Variants in SMURF1 observed in about 807,000 individuals in gnomAD.
SMURF1 encodes SMAD specific E3 ubiquitin protein ligase 1, also known as E3 ubiquitin-protein ligase SMURF1.
SMURF1 carries 44 observed loss-of-function variants against 98.0 expected under a neutral mutation model. That is an observed-to-expected ratio of 0.45 (90% CI 0.35 to 0.58). SMURF1 has a LOEUF of 0.58. SMURF1 is among the 20% of genes least tolerant of loss of function. The pLI is 0.00. For synonymous variants in SMURF1, 396 were observed against 374.9 expected, an observed-to-expected ratio of 1.06 and a Z score of -0.65; for missense variants, 687 against 938.4, an observed-to-expected ratio of 0.73 and a Z score of 3.50.
intron 6 of SMURF1, 128 bp downstream of exon 6, chr7:99,054,662 A>G (rs1200356640): frequency 1.3e-6 from 1 of 769,942 alleles, no homozygotes; most frequent in African/African-American, 1.7e-5. Context: ...TCACAGTTTT[A>G]TCCCAACATC....
At chr7:99,113,837 T>TAAAAAAAAAAAAAAAAA (rs71118659) in intron 1 of SMURF1, among the ~76,000 whole-genome samples, 1 of 33,950 alleles carries the variant, frequency 2.9e-5, no homozygotes, top group African/African-American at 1.5e-4. Context: ...AGACTCCGTC[T>TAAAAAAAAAAAAAAAAA]AAAAAAAAAA....
rs999203697 is a variant in SMURF1, at chr7:99,029,204, G to C, written c.*1380C>G. The C allele has an allele frequency of 6.6e-6, 1 of 152,668 alleles. No homozygotes were observed. Among genetic ancestry groups the C allele is most frequent in the African/African-American group, 2.4e-5 (1 of 41,438 alleles). The allele number at this position is 152,668 out of a possible 1,614,324, so 9.5% of individuals were successfully genotyped here. Reference sequence around the variant, plus strand: ...GACTTCGACAGCAGTGAAATGTCTTGCTCATGAATTACCCTGTACTTGCCC... The same window carrying C: ...GACTTCGACAGCAGTGAAATGTCTTCCTCATGAATTACCCTGTACTTGCCC... On this transcript the variant is annotated 3_prime_UTR_variant, in exon 18 of 18. Transcript: ENST00000361368.
Position 99,143,683 on chromosome 7 carries a change from C to A in SMURF1, c.55+43G>T, listed in dbSNP as rs774017772. ...GCCCTGCGGGGAATTCCGGGGCGGG[C>A]GAGGGGGCGCCGGGGCGCGGGTGGG... On this transcript the variant is annotated intron_variant, in intron 1 of 17. Coordinates refer to ENST00000361368, the MANE Select transcript of SMURF1 (RefSeq NM_181349.3). 19 of 1,503,036 alleles carry A rather than the reference C, an allele frequency of 1.3e-5. No individual in the cohort carries two copies. In the South Asian group the frequency reaches 2.2e-4, roughly 17 times the overall value. 93.1% of individuals were successfully genotyped at this position (1,503,036 alleles called of 1,614,324 possible).
In SMURF1 at chr7:99,126,044, A is replaced by C. The variant is rs542456858; in HGVS notation, c.55+17682T>G. ...GAGCCAGTTCACATTTGGCCTCCCC[A>C]GCAACTAGACTCAGGGGCGCTTTGT... On this transcript the variant is annotated intron_variant, in intron 1 of 17. Transcript: ENST00000361368. Among the ~76,000 whole-genome samples, 53 of 152,230 alleles carry C rather than the reference A, an allele frequency of 3.5e-4. 1 individual carries two copies. The highest frequency in any genetic ancestry group is 1.3e-3 in the African/African-American group (53 of 41,554).
chr7:99,052,280 C>G lies in SMURF1; in HGVS notation c.646G>C (p.Asp216His). 1.2e-6 allele frequency: 2 copies of G among 1,611,872 alleles called. No individual in the cohort carries two copies. Among genetic ancestry groups the G allele is most frequent in the Non-Finnish European group, 1.7e-6 (2 of 1,178,964 alleles). Reference sequence around the variant, plus strand: ...GGCGTCTGTAGTGAACCTCGCACATCAGGGTTTCGAAGCCGCTGTGCCTGA... The same window carrying G: ...GGCGTCTGTAGTGAACCTCGCACATGAGGGTTTCGAAGCCGCTGTGCCTGA... ...RLQAQRLRNP[D>H]VRGSLQTPQN... Residue 216 changes from aspartate to histidine, a missense_variant, in exon 7 of 18, where the codon GAT becomes CAT. By Grantham distance (81) the Asp-to-His change is moderately conservative. This residue lies in a region of SMURF1 where 415 missense variants were observed against 508.4 expected (regional missense o/e 0.82). Transcript: ENST00000361368.
chr7:99,110,434 AC>A (rs899268483), intron 1 of SMURF1, among the ~76,000 whole-genome samples: 1 of 152,210 alleles, frequency 6.6e-6, no homozygotes, highest in Non-Finnish European at 1.5e-5. Context: ...GAATCAGGGA[AC>A]TAGATATCAA....
chr7:99,038,347 C>G (rs745327598), intron 14 of SMURF1, 41 bp downstream of exon 14: 2 of 1,606,468 alleles, frequency 1.2e-6, no homozygotes, highest in Non-Finnish European at 1.7e-6. Context: ...CAGGCTCAGC[C>G]GCGCCCCAGG....
chr7:99,107,837 C>A (rs2395015), intron 1 of SMURF1, among the ~76,000 whole-genome samples: 113,707 of 152,114 alleles, frequency 0.75, 45,773 homozygotes, highest in South Asian at 0.93. Context: ...AGTAACACCA[C>A]CAGCATATGG....
At chr7:99,133,656 G>T (rs1283719494) in intron 1 of SMURF1, among the ~76,000 whole-genome samples, 1 of 152,124 alleles carries the variant, frequency 6.6e-6, no homozygotes, top group Admixed American at 6.6e-5. Flanking sequence ...CTCTACTCCT[G>T]AGTATACACC....
intron 1 of SMURF1, among the ~76,000 whole-genome samples, chr7:99,102,514 C>A (rs1266957326): frequency 6.6e-6 from 1 of 152,186 alleles, no homozygotes; most frequent in East Asian, 1.9e-4. Context: ...GCTGCCTTGT[C>A]AACACTTTGA....
chr7:99,057,439 T>C lies in SMURF1; in HGVS notation c.316A>G (p.Ser106Gly), dbSNP rs1795903952. 1.2e-6 allele frequency: 2 copies of C among 1,609,610 alleles called. No homozygotes were observed. Residue 106 changes from serine (S) to glycine (G), a missense_variant, in exon 4 of 18, where the codon AGC (serine) becomes GGC (glycine). Physicochemically the swap from Ser to Gly is moderately conservative, Grantham distance 56 (BLOSUM62 0). Transcript: ENST00000361368. ...GCVRLLSNAISRLKDTGYQRL... is the reference protein window; with the variant it reads ...GCVRLLSNAIGRLKDTGYQRL... Reference sequence around the variant, plus strand: ...TTACATCCGGTATCTTTTAATCTGCTGATGGCATTGGAGAGCAGCCGCACA... The same window carrying C: ...TTACATCCGGTATCTTTTAATCTGCCGATGGCATTGGAGAGCAGCCGCACA...
chr7:99,084,546 G>A (rs1796637607), intron 1 of SMURF1, among the ~76,000 whole-genome samples: 1 of 152,114 alleles, frequency 6.6e-6, no homozygotes, highest in Non-Finnish European at 1.5e-5. Context: ...TAGATATCAA[G>A]AACTAGCTCA....
chr7:99,034,888 T>C (rs1795073726), intron 16 of SMURF1, among the ~76,000 whole-genome samples: 1 of 152,202 alleles, frequency 6.6e-6, no homozygotes, highest in African/African-American at 2.4e-5. Flanking sequence ...TGTGTGTCTA[T>C]CAGCATTTAC....
chr7:99,063,259 A>ATAAGATT (rs1796094108), intron 1 of SMURF1, among the ~76,000 whole-genome samples: 2 of 6,310 alleles, frequency 3.2e-4, no homozygotes, highest in Admixed American at 2.2e-3. Context: ...ATATATATAT[A>ATAAGATT]TATATATATA....
At chr7:99,104,339 C>T (rs1226291257) in intron 1 of SMURF1, among the ~76,000 whole-genome samples, 1 of 152,192 alleles carries the variant, frequency 6.6e-6, no homozygotes, top group Middle Eastern at 3.4e-3. Context: ...ATCTCACTAC[C>T]CAGCTATAAC....
intron 1 of SMURF1, among the ~76,000 whole-genome samples, chr7:99,088,575 G>T (rs1796734006): frequency 6.6e-6 from 1 of 151,864 alleles, no homozygotes; most frequent in African/African-American, 2.4e-5. Context: ...GCATGCAGGG[G>T]GTAAATCTAA....
chr7:99,089,310 T>C (rs184444666), intron 1 of SMURF1, among the ~76,000 whole-genome samples: 48 of 151,828 alleles, frequency 3.2e-4, no homozygotes, highest in African/African-American at 1.0e-3. Context: ...AAACACAAAT[T>C]CAAATTGAAT....
At chr7:99,040,069 C>T (rs1795312298) in intron 13 of SMURF1, among the ~76,000 whole-genome samples, 1 of 152,072 alleles carries the variant, frequency 6.6e-6, no homozygotes, top group Non-Finnish European at 1.5e-5. Flanking sequence ...TGAAGAGAAA[C>T]CTGCCCAACA....
Position 99,028,985 on chromosome 7 carries a change from A to T in SMURF1, c.*1599T>A, listed in dbSNP as rs903513376. On this transcript the variant is annotated 3_prime_UTR_variant, in exon 18 of 18. Coordinates refer to ENST00000361368, the MANE Select transcript of SMURF1 (RefSeq NM_181349.3). ...GGGGGCAAGGCAGAACTTTTCAAAG[A>T]GGCTAAGCCCACCATTTGGCCTGGA... The T allele has an allele frequency of 6.6e-6, 1 of 152,278 alleles. No homozygotes were observed. Among genetic ancestry groups the T allele is most frequent in the Non-Finnish European group, 1.5e-5 (1 of 68,066 alleles). 9.4% of individuals were successfully genotyped at this position (152,278 alleles called of 1,614,324 possible). A position where few individuals can be genotyped will look rare whatever the true frequency, so the allele number is the denominator to read the frequency against.
Sources: allele counts gnomAD v4.1 joint callset (sites outside exome capture counted in the v4.1 genomes callset), GRCh38; gene constraint gnomAD v4.1.1; regional missense constraint gnomAD v4.1.1; transcripts MANE v1.5; gene names NCBI Gene and HGNC (gene_info 2026-07-23, HGNC 2026-07-21).